CDH18: variants seen among roughly 807,000 people sequenced by gnomAD.
The protein encoded by CDH18 is cadherin-18.
Under a neutral mutation model 67.9 loss-of-function variants are expected in CDH18, and 31 were observed. The ratio of observed to expected loss-of-function variants is 0.46; its 90% CI spans 0.34 to 0.62. CDH18 has a LOEUF of 0.62. CDH18 is among the 20% of genes least tolerant of loss of function. The pLI is 0.01. For missense variants in CDH18, 890 were observed against 975.5 expected (o/e 0.91, Z 1.17); for synonymous variants, 362 against 347.2 (o/e 1.04, Z -0.48).
intron 1 of CDH18, among the ~76,000 whole-genome samples, chr5:20,416,091 A>G (rs1240348894): frequency 6.6e-6 from 1 of 152,146 alleles, no homozygotes; most frequent in Non-Finnish European, 1.5e-5. Flanking sequence ...AGTTAATTCT[A>G]TATGGTATAT....
chr5:20,179,699 T>A (rs777131920), intron 2 of CDH18, among the ~76,000 whole-genome samples: 1 of 152,056 alleles, frequency 6.6e-6, no homozygotes, highest in Non-Finnish European at 1.5e-5. Flanking sequence ...CAAGTAAAAG[T>A]TTGATGCAAT....
At chr5:19,833,364 C>A (rs758893329) in intron 3 of CDH18, among the ~76,000 whole-genome samples, 2 of 151,958 alleles carry the variant, frequency 1.3e-5, no homozygotes, top group Non-Finnish European at 2.9e-5. Context: ...GTTTGCATAT[C>A]GATTTTGTAT....
At chr5:20,020,324 C>T (rs944707416) in intron 2 of CDH18, among the ~76,000 whole-genome samples, 14 of 152,282 alleles carry the variant, frequency 9.2e-5, no homozygotes, top group South Asian at 4.1e-4. Flanking sequence ...GGGAGGAATT[C>T]AAGTCTGCTG....
chr5:19,920,759 G>C (rs1007473127), intron 2 of CDH18, among the ~76,000 whole-genome samples: 16 of 151,714 alleles, frequency 1.1e-4, no homozygotes, highest in African/African-American at 3.9e-4. Context: ...TGATCCACCC[G>C]CCTCGGTCTC....
intron 2 of CDH18, among the ~76,000 whole-genome samples, chr5:20,088,883 ACTACCCT>A (rs1745193244): frequency 6.6e-6 from 1 of 152,130 alleles, no homozygotes; most frequent in African/African-American, 2.4e-5. Context: ...GATGTGACTC[ACTACCCT>A]TCATTCTCTT....
chr5:20,443,438 T>A (rs1473572797), intron 1 of CDH18, among the ~76,000 whole-genome samples: 2 of 151,742 alleles, frequency 1.3e-5, no homozygotes, highest in African/African-American at 4.9e-5. Context: ...GTATACTAAT[T>A]GTGTAAAGGC....
chr5:19,942,035 T>C (rs1321078170), intron 2 of CDH18, among the ~76,000 whole-genome samples: 1 of 152,002 alleles, frequency 6.6e-6, no homozygotes, highest in Non-Finnish European at 1.5e-5. Context: ...TAGGTCCAGG[T>C]CACAAAGAAG....
At chr5:20,308,497 C>G (rs563291906) in intron 1 of CDH18, among the ~76,000 whole-genome samples, 1 of 149,864 alleles carries the variant, frequency 6.7e-6, no homozygotes, top group Non-Finnish European at 1.5e-5. Flanking sequence ...GAGTGGAGAT[C>G]GTGCCACTGG....
At chr5:20,572,565 A>G (rs1050368078) in intron 1 of CDH18, among the ~76,000 whole-genome samples, 1 of 152,134 alleles carries the variant, frequency 6.6e-6, no homozygotes, top group Admixed American at 6.6e-5. Context: ...AGGGCTTCTT[A>G]TTGATCTTAA....
chr5:19,737,966 C>T (rs544774429), intron 4 of CDH18, among the ~76,000 whole-genome samples: 3 of 151,804 alleles, frequency 2.0e-5, no homozygotes, highest in Non-Finnish European at 4.4e-5. Context: ...ATGTGACATT[C>T]CAGTCAATTT....
intron 2 of CDH18, among the ~76,000 whole-genome samples, chr5:20,024,913 GA>G: frequency 6.6e-6 from 1 of 152,204 alleles, no homozygotes; most frequent in East Asian, 1.9e-4. Flanking sequence ...TTTGGTAAGT[GA>G]GTGAAGAGAC....
At chr5:20,406,589 C>A (rs1580926079) in intron 1 of CDH18, among the ~76,000 whole-genome samples, 1 of 151,328 alleles carries the variant, frequency 6.6e-6, no homozygotes, top group East Asian at 1.9e-4. Context: ...AAAAAAAAGT[C>A]CTGTAGAAAA....
chr5:20,095,440 AAAGAAAAG>A lies in CDH18; in HGVS notation c.-517-103434_-517-103427del, dbSNP rs1174781265. Among the ~76,000 whole-genome samples the A allele has an allele frequency of 2.1e-5, 3 of 143,530 alleles. No homozygotes were observed. The Admixed American group carries it at 2.1e-4, about 10-fold the overall frequency. The allele number at this position is 143,530 out of a possible 152,430, so 94.2% of individuals were successfully genotyped here. A position where few individuals can be genotyped will look rare whatever the true frequency, so the allele number is the denominator to read the frequency against. ...GAAAGAAAGAAAGAAAGAAAGAAAG[AAAGAAAAG>A]AAAGAAAGAAAGAAGAAAGAAGGAA... On this transcript the variant is annotated intron_variant, in intron 2 of 14. Transcript: ENST00000507958.
intron 5 of CDH18, among the ~76,000 whole-genome samples, chr5:19,612,859 G>A (rs1018327796): frequency 4.6e-5 from 7 of 151,982 alleles, no homozygotes; most frequent in Admixed American, 1.3e-4. Flanking sequence ...ATGGTCCCTC[G>A]GCCGGATGCG....
chr5:20,246,736 CA>C (rs1561909385), intron 2 of CDH18, among the ~76,000 whole-genome samples: 1 of 152,144 alleles, frequency 6.6e-6, no homozygotes, highest in African/African-American at 2.4e-5. Context: ...GAAGAACTCA[CA>C]ATTAATCAAG....
At chr5:19,973,650 T>C (rs759503768) in intron 2 of CDH18, among the ~76,000 whole-genome samples, 1 of 152,030 alleles carries the variant, frequency 6.6e-6, no homozygotes, top group Non-Finnish European at 1.5e-5. Flanking sequence ...TTTAATAGGA[T>C]GAGAAGAGCA....
At position 19,493,314 on chromosome 5, in the gene CDH18, A is replaced by G. The variant is rs116236908; in HGVS notation, c.1630+9678T>C. The stretch of plus-strand genomic sequence containing the variant: ...GTCTTTGAATTCCTTGAATCAGAAC[A>G]GTTTAAATAACTGCTGTATACCCAG... On this transcript the variant is annotated intron_variant, in intron 11 of 12. Transcript: ENST00000382275. Among the ~76,000 whole-genome samples, 409 of 152,312 alleles carry G rather than the reference A, an allele frequency of 2.7e-3. 1 individual carries two copies. Among genetic ancestry groups the G allele is most frequent in the African/African-American group, 9.4e-3 (390 of 41,574 alleles).
chr5:19,870,124 T>C (rs1786081671), intron 2 of CDH18, among the ~76,000 whole-genome samples: 1 of 152,104 alleles, frequency 6.6e-6, no homozygotes, highest in South Asian at 2.1e-4. Flanking sequence ...AGATCTTAAA[T>C]AGGTAAGAGA....
intron 1 of CDH18, among the ~76,000 whole-genome samples, chr5:19,986,941 G>T (rs1799619919): frequency 6.6e-6 from 1 of 152,126 alleles, no homozygotes; most frequent in Non-Finnish European, 1.5e-5. Context: ...ATAAAGGTTT[G>T]AAAACACAGT....
Sources: allele counts gnomAD v4.1 joint callset (sites outside exome capture counted in the v4.1 genomes callset), GRCh38; gene constraint gnomAD v4.1.1; transcripts MANE v1.5; gene names NCBI Gene and HGNC (gene_info 2026-07-23, HGNC 2026-07-21).